MEIKIN: variants seen among roughly 807,000 people sequenced by gnomAD.
MEIKIN encodes the protein meiosis-specific kinetochore protein.
chr5:131,890,528 T>G (rs554666776), intron 8 of MEIKIN, among the ~76,000 whole-genome samples: 1 of 152,240 alleles, frequency 6.6e-6, no homozygotes, highest in Admixed American at 6.5e-5. Context: ...TATTCTCTGA[T>G]GGTAGTTTGT....
At chr5:131,868,309 C>G (rs1014694822) in intron 9 of MEIKIN, among the ~76,000 whole-genome samples, 3 of 151,934 alleles carry the variant, frequency 2.0e-5, no homozygotes, top group African/African-American at 7.3e-5. Context: ...AGTCTTGAAC[C>G]CTGGGCTAAG....
intron 11 of MEIKIN, among the ~76,000 whole-genome samples, chr5:131,827,670 AT>A (rs1347091133): frequency 2.6e-5 from 4 of 152,212 alleles, no homozygotes; most frequent in Non-Finnish European, 5.9e-5. Flanking sequence ...CCAGAAAAGC[AT>A]AACAATCATA....
intron 8 of MEIKIN, among the ~76,000 whole-genome samples, chr5:131,896,091 G>A (rs754163159): frequency 1.3e-5 from 2 of 152,096 alleles, no homozygotes; most frequent in Non-Finnish European, 2.9e-5. Context: ...TTGTGTCTTT[G>A]TTCTCATTAG....
intron 8 of MEIKIN, among the ~76,000 whole-genome samples, chr5:131,886,724 C>A (rs1438637094): frequency 6.6e-6 from 1 of 152,120 alleles, no homozygotes; most frequent in Non-Finnish European, 1.5e-5. Flanking sequence ...GTACGAAACT[C>A]ATTGGTAATA....
At chr5:131,852,681 GCTGA>G (rs1470662661) in intron 10 of MEIKIN, among the ~76,000 whole-genome samples, 1 of 152,088 alleles carries the variant, frequency 6.6e-6, no homozygotes, top group African/African-American at 2.4e-5. Context: ...GGGGATGAGG[GCTGA>G]CTATTAACGA....
At chr5:131,827,510 T>C (rs966630186) in intron 11 of MEIKIN, among the ~76,000 whole-genome samples, 3 of 151,766 alleles carry the variant, frequency 2.0e-5, no homozygotes, top group African/African-American at 4.8e-5. Context: ...TATGAGAAGG[T>C]TGAAAATAAA....
At chr5:131,842,304 T>C (rs1314898155) in intron 11 of MEIKIN, among the ~76,000 whole-genome samples, 1 of 152,196 alleles carries the variant, frequency 6.6e-6, no homozygotes, top group Non-Finnish European at 1.5e-5. Context: ...TTTCTTTTCA[T>C]TGCCTAATTG....
chr5:131,854,143 T>G (rs895387982), intron 10 of MEIKIN, among the ~76,000 whole-genome samples: 2 of 152,310 alleles, frequency 1.3e-5, no homozygotes, highest in African/African-American at 4.8e-5. Context: ...ATACATACAA[T>G]GGAGTATCAA....
intron 6 of MEIKIN, among the ~76,000 whole-genome samples, 191 bp downstream of exon 6, chr5:131,921,631 T>A (rs370040652): frequency 7.9e-5 from 12 of 152,206 alleles, no homozygotes; most frequent in East Asian, 5.8e-4. Context: ...CACTCCAGCC[T>A]GGGCAACATA....
At chr5:131,884,715 C>T (rs1750748739) in intron 8 of MEIKIN, among the ~76,000 whole-genome samples, 1 of 152,100 alleles carries the variant, frequency 6.6e-6, no homozygotes, top group African/African-American at 2.4e-5. Flanking sequence ...GGGTAGAGCA[C>T]CAAGCAGGCT....
At chr5:131,829,501 G>T (rs186973586) in intron 11 of MEIKIN, among the ~76,000 whole-genome samples, 49 of 152,260 alleles carry the variant, frequency 3.2e-4, no homozygotes, top group Non-Finnish European at 5.7e-4. Flanking sequence ...CTCTAGGAGA[G>T]ACTTCCTTAG....
chr5:131,914,608 AAGGAAAGG>A (rs1751385888), intron 7 of MEIKIN, among the ~76,000 whole-genome samples: 1 of 820 alleles, frequency 1.2e-3, no homozygotes, highest in African/African-American at 2.6e-3. Flanking sequence ...AAGGGAAGGG[AAGGAAAGG>A]GAAGGAAAGG....
chr5:131,854,932 A>C, intron 9 of MEIKIN, 98 bp from the exon 10 acceptor site: 1 of 387,272 alleles, frequency 2.6e-6, no homozygotes, highest in Non-Finnish European at 4.6e-6. Flanking sequence ...ACCAGATCAT[A>C]ATGTACAGTA....
intron 7 of MEIKIN, among the ~76,000 whole-genome samples, chr5:131,915,320 A>AT (rs1429554171): frequency 6.6e-6 from 1 of 152,074 alleles, no homozygotes; most frequent in African/African-American, 2.4e-5. Flanking sequence ...TGAGTCAATG[A>AT]TTTTTTCAGT....
chr5:131,899,031 CG>C (rs1751105295), intron 8 of MEIKIN, among the ~76,000 whole-genome samples: 1 of 151,838 alleles, frequency 6.6e-6, no homozygotes, highest in African/African-American at 2.4e-5. Context: ...AGCTGCAGAC[CG>C]GGGCTGTTCC....
chr5:131,888,520 G>A (rs1487889404), intron 8 of MEIKIN, among the ~76,000 whole-genome samples: 1 of 152,174 alleles, frequency 6.6e-6, no homozygotes, highest in African/African-American at 2.4e-5. Flanking sequence ...TTTGAGAAGT[G>A]TCTGCTCATA....
At chr5:131,832,930 T>C (rs1328597983) in intron 11 of MEIKIN, among the ~76,000 whole-genome samples, 1 of 152,222 alleles carries the variant, frequency 6.6e-6, no homozygotes, top group Non-Finnish European at 1.5e-5. Context: ...CCTCCAGGCC[T>C]GTGATGGGAG....
Position 131,943,715 on chromosome 5 carries a change from A to G in MEIKIN, c.288+950T>C, listed in dbSNP as rs537406325. ...TTTTTCATAGTATAAATACTCTACA[A>G]GGACTACTTTACACTGTTAAACTAT... is the stretch of plus-strand genomic sequence containing the variant. On this transcript the variant is annotated intron_variant, in intron 3 of 12. Coordinates refer to ENST00000442687, the MANE Select transcript of MEIKIN (RefSeq NM_001303622.2). Among the ~76,000 whole-genome samples the G allele has an allele frequency of 9.2e-5, 14 of 152,310 alleles. No individual in the cohort carries two copies. The South Asian group carries it at 1.2e-3, about 14-fold the overall frequency.
chr5:131,901,829 G>GA (rs953692384), intron 8 of MEIKIN, among the ~76,000 whole-genome samples: 5 of 151,102 alleles, frequency 3.3e-5, no homozygotes, highest in African/African-American at 7.3e-5. Flanking sequence ...CAGGGCAAAA[G>GA]AAAAAAAAAT....
Sources: allele counts gnomAD v4.1 joint callset (sites outside exome capture counted in the v4.1 genomes callset), GRCh38; gene constraint gnomAD v4.1.1; transcripts MANE v1.5; gene names NCBI Gene and HGNC (gene_info 2026-07-23, HGNC 2026-07-21).